DRC11: variants seen among roughly 807,000 people sequenced by gnomAD.
DRC11 encodes the protein dynein regulatory complex subunit 11, also known as IQ and AAA domain-containing protein 1.
At chr2:236,499,186 T>G in the DRC11 span, among the ~76,000 whole-genome samples, 3 of 152,186 alleles carry the variant, frequency 2.0e-5, no homozygotes, top group African/African-American at 4.8e-5. This position sits in a 1 kb window ranked among gnomAD's most constrained non-coding sequence, Gnocchi z 4.7. Flanking sequence ...TTCTGCCTGG[T>G]TGGCTAGTGC....
At chr2:236,369,798 G>T in the DRC11 span, among the ~76,000 whole-genome samples, 2 of 152,208 alleles carry the variant, frequency 1.3e-5, no homozygotes, top group African/African-American at 4.8e-5. The surrounding 1 kb of genome is among the most constrained non-coding windows in gnomAD (Gnocchi z 4.5). Context: ...TCCCATCCGT[G>T]CATTCGGAGC....
chr2:236,409,098 G>T, the DRC11 span: 35 of 451,074 alleles, frequency 7.8e-5, no homozygotes, highest in Non-Finnish European at 1.2e-4. Flanking sequence ...CATCTTGCTG[G>T]TAGAGCCTAA....
At chr2:236,505,468 G>A in the DRC11 span, among the ~76,000 whole-genome samples, 1 of 152,060 alleles carries the variant, frequency 6.6e-6, no homozygotes, top group Non-Finnish European at 1.5e-5. Context: ...TCTCAGTAGA[G>A]GCTCCTGTTA....
chr2:236,399,301 A>T, the DRC11 span: 2 of 922,222 alleles, frequency 2.2e-6, no homozygotes, highest in Non-Finnish European at 1.7e-6. The surrounding 1 kb of genome is among the most constrained non-coding windows in gnomAD (Gnocchi z 7.0). Flanking sequence ...GGAAATTTAA[A>T]ATAGAGACAG....
chr2:236,312,475 C>A, the DRC11 span, among the ~76,000 whole-genome samples: 1 of 152,160 alleles, frequency 6.6e-6, no homozygotes, highest in Non-Finnish European at 1.5e-5. Flanking sequence ...TCTATATGCA[C>A]ATAAGTATAG....
the DRC11 span, among the ~76,000 whole-genome samples, chr2:236,366,070 C>G: frequency 6.6e-6 from 1 of 152,322 alleles, no homozygotes; most frequent in East Asian, 1.9e-4. Context: ...CTGGAGGGGT[C>G]TGGCAGGAGA....
chr2:236,319,125 T>C, the DRC11 span, among the ~76,000 whole-genome samples: 4 of 152,206 alleles, frequency 2.6e-5, no homozygotes, highest in African/African-American at 9.7e-5. The surrounding 1 kb of genome is among the most constrained non-coding windows in gnomAD (Gnocchi z 6.7). Context: ...CCCTCCTCCT[T>C]CTTCATCGCA....
the DRC11 span, among the ~76,000 whole-genome samples, chr2:236,351,274 G>A: frequency 3.9e-5 from 6 of 152,146 alleles, no homozygotes; most frequent in African/African-American, 1.4e-4. The surrounding 1 kb of genome is among the most constrained non-coding windows in gnomAD (Gnocchi z 7.3). Flanking sequence ...AGGAAATCAG[G>A]GTGTCAGTGA....
chr2:236,309,445 A>G, the DRC11 span, among the ~76,000 whole-genome samples: 2 of 152,078 alleles, frequency 1.3e-5, no homozygotes, highest in Admixed American at 6.5e-5. The surrounding 1 kb of genome is among the most constrained non-coding windows in gnomAD (Gnocchi z 5.7). Flanking sequence ...CTGTTTACTC[A>G]CAGGTGGTCA....
chr2:236,388,917 A>T, the DRC11 span, among the ~76,000 whole-genome samples: 459 of 152,214 alleles, frequency 3.0e-3, 3 homozygotes, highest in African/African-American at 0.01. Flanking sequence ...TTGAGTACCC[A>T]GCTGTGTGAG....
the DRC11 span, among the ~76,000 whole-genome samples, chr2:236,506,020 A>G: frequency 6.6e-6 from 1 of 152,178 alleles, no homozygotes; most frequent in East Asian, 1.9e-4. The surrounding 1 kb of genome is among the most constrained non-coding windows in gnomAD (Gnocchi z 4.9). Context: ...CATACCACTG[A>G]ATCAGCTCCT....
chr2:236,355,721 ATCTCTCTCTCTC>A, the DRC11 span, among the ~76,000 whole-genome samples: 32 of 147,960 alleles, frequency 2.2e-4, no homozygotes, highest in South Asian at 4.3e-4. Context: ...CTAATTGTAC[ATCTCTCTCTCTC>A]TCTCTCTCTC....
At chr2:236,440,607 A>G in the DRC11 span, among the ~76,000 whole-genome samples, 1 of 152,242 alleles carries the variant, frequency 6.6e-6, no homozygotes, top group Non-Finnish European at 1.5e-5. Flanking sequence ...GCGGAGCAGG[A>G]GCTAAGCAGA....
chr2:236,480,105 C>T, the DRC11 span, among the ~76,000 whole-genome samples: 2 of 146,648 alleles, frequency 1.4e-5, no homozygotes, highest in Non-Finnish European at 3.0e-5. Context: ...TTTGATAAGT[C>T]TGTTACCAAA....
chr2:236,482,495 C>T, the DRC11 span, among the ~76,000 whole-genome samples: 4 of 152,154 alleles, frequency 2.6e-5, no homozygotes, highest in Non-Finnish European at 4.4e-5. The surrounding 1 kb of genome is among the most constrained non-coding windows in gnomAD (Gnocchi z 4.5). Context: ...GTCCATTTAA[C>T]TCCTTGTGTT....
chr2:236,491,130 TATATATATACA>T, the DRC11 span, among the ~76,000 whole-genome samples: 1 of 115,642 alleles, frequency 8.6e-6, no homozygotes, highest in Non-Finnish European at 1.7e-5. Context: ...TGTGTATATA[TATATATATACA>T]GTATATATAT....
At chr2:236,492,927 G>T in the DRC11 span, among the ~76,000 whole-genome samples, 1 of 152,202 alleles carries the variant, frequency 6.6e-6, no homozygotes, top group Non-Finnish European at 1.5e-5. Context: ...TTCCCAGGAG[G>T]GATCTTTATG....
At chr2:236,318,719 CTGTG>C in the DRC11 span, among the ~76,000 whole-genome samples, 2 of 151,928 alleles carry the variant, frequency 1.3e-5, no homozygotes, top group African/African-American at 4.8e-5. The surrounding 1 kb of genome is among the most constrained non-coding windows in gnomAD (Gnocchi z 7.0). Context: ...TATGAATGCC[CTGTG>C]TGTGTGCATG....
chr2:236,408,220 A>T, the DRC11 span: 1 of 795,110 alleles, frequency 1.3e-6, no homozygotes, highest in Non-Finnish European at 2.3e-6. The surrounding 1 kb of genome is among the most constrained non-coding windows in gnomAD (Gnocchi z 5.5). Context: ...GATCTTAGAG[A>T]TCAATCTTCT....
Sources: allele counts gnomAD v4.1 joint callset (sites outside exome capture counted in the v4.1 genomes callset), GRCh38; gene constraint gnomAD v4.1.1; non-coding constraint Gnocchi (gnomAD v3.1); transcripts MANE v1.5; gene names NCBI Gene and HGNC (gene_info 2026-07-23, HGNC 2026-07-21).